The following ARMH3 variants were observed in gnomAD, a reference collection of about 807,000 sequenced individuals.
ARMH3 encodes armadillo like helical domain containing 3, also known as armadillo-like helical domain-containing protein 3.
Under a neutral mutation model 99.1 loss-of-function variants are expected in ARMH3, and 60 were observed. The ratio of observed to expected loss-of-function variants is 0.61; its 90% CI spans 0.49 to 0.75. ARMH3 has a LOEUF of 0.75. Ranked by LOEUF, ARMH3 falls within the 30% of genes least tolerant of loss-of-function variation. The pLI, the probability that ARMH3 is intolerant of heterozygous loss-of-function variation, is 0.00. For synonymous variants in ARMH3, 285 were observed against 292.8 expected, an observed-to-expected ratio of 0.97 and a Z score of 0.27; for missense variants, 679 against 843.1, an observed-to-expected ratio of 0.81 and a Z score of 2.41.
intron 24 of ARMH3, among the ~76,000 whole-genome samples, chr10:101,854,704 T>TCAGAGACCTAAGTTTTAGTTCC (rs1168062698): frequency 6.6e-6 from 1 of 152,106 alleles, no homozygotes; most frequent in Non-Finnish European, 1.5e-5. Context: ...AGGATTGAGG[T>TCAGAGACCTAAGTTTTAGTTCC]CAGAGACCTA....
chr10:101,912,804 C>T (rs565315980), intron 23 of ARMH3, among the ~76,000 whole-genome samples: 2 of 152,286 alleles, frequency 1.3e-5, no homozygotes, highest in East Asian at 3.9e-4. Context: ...AGGTTTTGCA[C>T]AGATGCCCTT....
At chr10:101,890,407 C>T (rs1003965657) in intron 23 of ARMH3, among the ~76,000 whole-genome samples, 1 of 152,020 alleles carries the variant, frequency 6.6e-6, no homozygotes, top group Non-Finnish European at 1.5e-5. Context: ...GCATGCCCGG[C>T]TAATTATTTT....
In ARMH3 at chr10:101,846,255, T is replaced by A. The variant is rs544156342; in HGVS notation, c.*1273A>T. 6.6e-6 allele frequency: 1 copy of A among 152,604 alleles called. No individual in the cohort carries two copies. Among genetic ancestry groups the A allele is most frequent in the Non-Finnish European group, 1.5e-5 (1 of 68,120 alleles). The allele number at this position is 152,604 out of a possible 1,614,324, so 9.5% of individuals were successfully genotyped here. Reference sequence around the variant, plus strand: ...GGCACTAGACCATGACAGGAATAGATTCCTCCCCAGAGGAAATTCTCAGGC... The same window carrying A: ...GGCACTAGACCATGACAGGAATAGAATCCTCCCCAGAGGAAATTCTCAGGC... On this transcript the variant is annotated 3_prime_UTR_variant, in exon 26 of 26. Coordinates refer to ENST00000370033, the MANE Select transcript of ARMH3 (RefSeq NM_024541.3).
chr10:101,995,045 A>C (rs1341951358), intron 16 of ARMH3, among the ~76,000 whole-genome samples: 2 of 152,254 alleles, frequency 1.3e-5, no homozygotes, highest in East Asian at 1.9e-4. Flanking sequence ...CAAAACAAAC[A>C]AACAAACAAA....
chr10:102,054,250 A>G (rs1220588720), intron 1 of ARMH3, among the ~76,000 whole-genome samples: 1 of 152,050 alleles, frequency 6.6e-6, no homozygotes, highest in Non-Finnish European at 1.5e-5. Flanking sequence ...TTAGCCAGGC[A>G]TGGTGGTGCG....
intron 24 of ARMH3, among the ~76,000 whole-genome samples, chr10:101,875,975 G>A (rs908438856): frequency 1.3e-5 from 2 of 152,076 alleles, no homozygotes; most frequent in Admixed American, 6.6e-5. Context: ...CTGGCTTGGC[G>A]CAGTGGTTCA....
chr10:102,051,167 A>T (rs1293977784), intron 1 of ARMH3, among the ~76,000 whole-genome samples: 3 of 151,330 alleles, frequency 2.0e-5, no homozygotes, highest in African/African-American at 7.3e-5. Flanking sequence ...CAAAAAAAAA[A>T]AAAAAAAGAA....
At chr10:102,011,361 G>A (rs141188033) in intron 11 of ARMH3, among the ~76,000 whole-genome samples, 3 of 152,024 alleles carry the variant, frequency 2.0e-5, no homozygotes, top group Non-Finnish European at 4.4e-5. Context: ...GTGCCTAAAC[G>A]GAGCCAACTC....
chr10:101,970,875 G>GC (rs1468773944), intron 20 of ARMH3, among the ~76,000 whole-genome samples: 1 of 151,570 alleles, frequency 6.6e-6, no homozygotes, highest in African/African-American at 2.4e-5. Context: ...TAAAAAACAG[G>GC]CCCTGCCCTC....
chr10:101,944,242 CTATATATATATATATATATATA>C (rs1161121591), intron 22 of ARMH3, among the ~76,000 whole-genome samples: 1 of 24,328 alleles, frequency 4.1e-5, no homozygotes, highest in Non-Finnish European at 7.4e-5. Flanking sequence ...TTGCTTGAGC[CTATATATATATATATATATATA>C]TATATATATA....
chr10:101,915,435 A>C (rs1309360464), intron 23 of ARMH3, among the ~76,000 whole-genome samples: 1 of 152,234 alleles, frequency 6.6e-6, no homozygotes, highest in African/African-American at 2.4e-5. Context: ...AGCAATATTC[A>C]GTATTATTGC....
chr10:101,898,778 A>G (rs1255502243), intron 23 of ARMH3, among the ~76,000 whole-genome samples: 1 of 152,252 alleles, frequency 6.6e-6, no homozygotes, highest in Non-Finnish European at 1.5e-5. Context: ...GATTTACATT[A>G]ACGAGTCTGA....
chr10:102,052,758 T>C (rs1327977382), intron 1 of ARMH3, among the ~76,000 whole-genome samples: 1 of 152,086 alleles, frequency 6.6e-6, no homozygotes, highest in Non-Finnish European at 1.5e-5. Flanking sequence ...AACATTTTTT[T>C]TTCCCCAAGA....
chr10:102,014,953 C>T (rs756511565), intron 8 of ARMH3, among the ~76,000 whole-genome samples: 13 of 152,140 alleles, frequency 8.5e-5, no homozygotes, highest in Non-Finnish European at 1.3e-4. Flanking sequence ...CAAAAAAACT[C>T]ATAACTAAGA....
intron 20 of ARMH3, among the ~76,000 whole-genome samples, chr10:101,960,908 A>G (rs1357409278): frequency 1.3e-5 from 2 of 149,114 alleles, no homozygotes; most frequent in African/African-American, 2.4e-5. Context: ...AAAAAAAAAA[A>G]GAAGATTAAA....
intron 23 of ARMH3, among the ~76,000 whole-genome samples, chr10:101,906,375 G>C (rs745336831): frequency 3.9e-5 from 6 of 152,136 alleles, no homozygotes; most frequent in Admixed American, 1.3e-4. Flanking sequence ...ACTCCCACCA[G>C]CAGTGTAAAG....
At chr10:101,924,956 T>C (rs565821492) in intron 23 of ARMH3, among the ~76,000 whole-genome samples, 1 of 152,244 alleles carries the variant, frequency 6.6e-6, no homozygotes, top group African/African-American at 2.4e-5. Context: ...ATCATGCCAC[T>C]GCACTCTGGC....
chr10:101,998,752 A>G (rs2066276863), intron 15 of ARMH3, among the ~76,000 whole-genome samples: 1 of 152,176 alleles, frequency 6.6e-6, no homozygotes. Context: ...AGACTTCTGA[A>G]AACTCTCCAA....
At chr10:101,895,062 GA>G (rs2067790552) in intron 23 of ARMH3, among the ~76,000 whole-genome samples, 1 of 152,024 alleles carries the variant, frequency 6.6e-6, no homozygotes, top group Admixed American at 6.6e-5. Context: ...GACAATGAAT[GA>G]GAAAACATAG....
Sources: gnomAD v4.1 joint callset for allele counts (sites outside exome capture counted in the v4.1 genomes callset) on GRCh38, gnomAD v4.1.1 for gene constraint, MANE v1.5 for transcripts, NCBI Gene and HGNC (gene_info 2026-07-23, HGNC 2026-07-21) for gene names.